Variants in CHN1 observed in about 807,000 individuals in gnomAD.
CHN1 encodes N-chimaerin.
In CHN1, 37 loss-of-function variants were observed where a neutral mutation model predicts 59.5. The observed-to-expected ratio is 0.62, with a 90% CI of 0.48 to 0.82. The LOEUF (loss-of-function observed/expected upper bound fraction) is 0.82, where lower values mean the gene tolerates loss of function less well. Among genes scored for constraint, CHN1 ranks in the 40% least tolerant of loss-of-function variants. CHN1 has a pLI of 0.00. For synonymous variants in CHN1, 206 were observed against 200.4 expected (o/e 1.03, Z -0.24); for missense variants, 469 against 571.0 (o/e 0.82, Z 1.82).
chr2:175,001,268 C>T (rs947482768), intron 1 of CHN1, among the ~76,000 whole-genome samples: 1 of 152,198 alleles, frequency 6.6e-6, no homozygotes, highest in African/African-American at 2.4e-5. Flanking sequence ...AGAGTATAGT[C>T]AAGTGGGAAC....
chr2:174,846,300 T>C, intron 7 of CHN1: 1 of 1,542,496 alleles, frequency 6.5e-7, no homozygotes, highest in Non-Finnish European at 8.7e-7. Flanking sequence ...AATTAAAAAC[T>C]ACACATACGC....
chr2:174,999,034 T>C (rs1367980613), intron 1 of CHN1, among the ~76,000 whole-genome samples: 1 of 152,176 alleles, frequency 6.6e-6, no homozygotes, highest in Non-Finnish European at 1.5e-5. Context: ...ATTAGGAATG[T>C]ATATTTATAA....
intron 7 of CHN1, among the ~76,000 whole-genome samples, 183 bp downstream of exon 7, chr2:174,846,697 A>G (rs1686526963): frequency 6.6e-6 from 1 of 152,192 alleles, no homozygotes; most frequent in Non-Finnish European, 1.5e-5. Context: ...ACAGGGTTGG[A>G]TTTCTATTAG....
Position 174,847,248 on chromosome 2 carries a change from C to T in CHN1, c.550-291G>A, listed in dbSNP as rs537889184. 3 of 1,404,258 alleles carry T rather than the reference C, an allele frequency of 2.1e-6. No individual in the cohort carries two copies. The Admixed American group carries it at 9.3e-5, about 43-fold the overall frequency. 87.0% of individuals were successfully genotyped at this position (1,404,258 alleles called of 1,614,324 possible). ...CAGAACCCTAACCTACAGAGAGCTG[C>T]AGAGAAACACCACGGAGAGGTGGAG... On this transcript the variant is annotated intron_variant, in intron 6 of 12. Coordinates refer to ENST00000409900, the MANE Select transcript of CHN1 (RefSeq NM_001822.7).
intron 1 of CHN1, among the ~76,000 whole-genome samples, chr2:174,971,046 T>C (rs138708154): frequency 0.01 from 1,549 of 152,308 alleles, 31 homozygotes; most frequent in African/African-American, 0.036. Context: ...CGACTGGGCG[T>C]GGTGGCTCAA....
At chr2:174,952,286 A>ATG in intron 1 of CHN1, 84 bp from the exon 2 acceptor site, 1 of 818,914 alleles carries the variant, frequency 1.2e-6, no homozygotes, top group South Asian at 2.3e-5. Context: ...TTTAATATAT[A>ATG]TCTGTTGAGA....
intron 11 of CHN1, among the ~76,000 whole-genome samples, chr2:174,805,542 G>C (rs893599487): frequency 6.6e-6 from 1 of 152,212 alleles, no homozygotes; most frequent in Admixed American, 6.5e-5. Context: ...CATGAAGGAA[G>C]GAGGCAGTAA....
chr2:174,997,617 C>T (rs1336017556), intron 1 of CHN1, among the ~76,000 whole-genome samples: 1 of 152,096 alleles, frequency 6.6e-6, no homozygotes, highest in South Asian at 2.1e-4. Flanking sequence ...AAATGGACAT[C>T]CACACCACTC....
intron 7 of CHN1, among the ~76,000 whole-genome samples, chr2:174,825,343 T>C (rs1486203966): frequency 6.6e-6 from 1 of 152,230 alleles, no homozygotes; most frequent in Non-Finnish European, 1.5e-5. Flanking sequence ...ATATTTATTA[T>C]GTTAGCAAGG....
chr2:174,972,717 G>C (rs1268276234), intron 1 of CHN1, among the ~76,000 whole-genome samples: 1 of 152,152 alleles, frequency 6.6e-6, no homozygotes, highest in Non-Finnish European at 1.5e-5. Flanking sequence ...CATAAAGTCA[G>C]GTTGATTCAG....
intron 7 of CHN1, among the ~76,000 whole-genome samples, chr2:174,842,351 T>C (rs575188489): frequency 5.5e-4 from 84 of 152,362 alleles, no homozygotes; most frequent in African/African-American, 1.8e-3. Context: ...TTCTTTCATA[T>C]ATAGTTAATT....
At chr2:174,908,026 C>G (rs1012286647) in intron 5 of CHN1, among the ~76,000 whole-genome samples, 1 of 152,080 alleles carries the variant, frequency 6.6e-6, no homozygotes, top group Non-Finnish European at 1.5e-5. Context: ...CAGGAAAGTG[C>G]CAAGTATTGT....
chr2:174,992,358 C>T (rs1297539417), intron 1 of CHN1, among the ~76,000 whole-genome samples: 1 of 152,126 alleles, frequency 6.6e-6, no homozygotes, highest in Admixed American at 6.5e-5. Context: ...CTGTTGAAAC[C>T]TACATGCTTC....
In CHN1 at chr2:174,846,338, A is replaced by AGTGAGGAGAAGCTGCTAGT. The variant is rs747056821; in HGVS notation, c.627+523_627+541dup. On this transcript the variant is annotated intron_variant, in intron 7 of 12. Coordinates refer to ENST00000409900, the MANE Select transcript of CHN1 (RefSeq NM_001822.7). Reference sequence around the variant, plus strand: ...ACATGGTGAAAGCAAATACTCAAAAAGTGAGGAGAAGCTGCTAGTGTCAGC... The same window carrying AGTGAGGAGAAGCTGCTAGT: ...ACATGGTGAAAGCAAATACTCAAAAAGTGAGGAGAAGCTGCTAGTGTGAGGAGAAGCTGCTAGTGTCAGC... The AGTGAGGAGAAGCTGCTAGT allele has an allele frequency of 4.7e-5, 73 of 1,549,606 alleles. 1 individual carries two copies. In the African/African-American group the frequency reaches 6.8e-4, roughly 15 times the overall value.
chr2:174,934,710 A>G (rs1397354486), intron 3 of CHN1, among the ~76,000 whole-genome samples: 1 of 152,236 alleles, frequency 6.6e-6, no homozygotes, highest in Non-Finnish European at 1.5e-5. Context: ...AGAGATAGCA[A>G]TAGGGTTGCA....
intron 1 of CHN1, among the ~76,000 whole-genome samples, chr2:174,998,598 A>C (rs1173032450): frequency 2.0e-5 from 3 of 152,186 alleles, no homozygotes; most frequent in African/African-American, 4.8e-5. Flanking sequence ...GATAAAAAAC[A>C]ATGAGGTGGC....
chr2:174,925,814 A>C (rs895186680), intron 3 of CHN1, among the ~76,000 whole-genome samples: 3 of 152,250 alleles, frequency 2.0e-5, no homozygotes, highest in Admixed American at 6.5e-5. Flanking sequence ...GTATGGATTT[A>C]TGATTTTACC....
intron 1 of CHN1, among the ~76,000 whole-genome samples, chr2:174,993,114 T>C (rs1291413247): frequency 6.6e-6 from 1 of 152,076 alleles, no homozygotes; most frequent in Non-Finnish European, 1.5e-5. Context: ...GCTAATGGAA[T>C]TCCTCAACCC....
intron 6 of CHN1, among the ~76,000 whole-genome samples, chr2:174,852,303 G>C (rs56028415): frequency 6.6e-6 from 1 of 151,588 alleles, no homozygotes; most frequent in Admixed American, 6.6e-5. Context: ...AAACAAAACC[G>C]GTAACGAAAA....
Sources: allele counts gnomAD v4.1 joint callset (sites outside exome capture counted in the v4.1 genomes callset), GRCh38; gene constraint gnomAD v4.1.1; transcripts MANE v1.5; gene names NCBI Gene and HGNC (gene_info 2026-07-23, HGNC 2026-07-21).